The following NSUN2 variants were observed in gnomAD, a reference collection of about 807,000 sequenced individuals.
The protein encoded by NSUN2 is RNA cytosine C(5)-methyltransferase NSUN2.
NSUN2 carries 63 observed loss-of-function variants against 92.7 expected under a neutral mutation model. The observed-to-expected ratio is 0.68, with a 90% confidence interval of 0.56 to 0.84. The LOEUF (loss-of-function observed/expected upper bound fraction) is 0.84. Ranked by LOEUF, NSUN2 falls within the 40% of genes least tolerant of loss-of-function variation. The pLI is 0.00. For synonymous variants in NSUN2, 356 were observed against 348.3 expected, an observed-to-expected ratio of 1.02 and a Z score of -0.25; for missense variants, 989 against 964.9, an observed-to-expected ratio of 1.02 and a Z score of -0.33.
At chr5:6,605,549 C>A in intron 14 of NSUN2, 141 bp from the exon 15 acceptor site, 1 of 772,756 alleles carries the variant, frequency 1.3e-6, no homozygotes, top group Non-Finnish European at 2.1e-6. Context: ...GCTCTGGACT[C>A]CAGCTTCTAA....
chr5:6,601,477 T>C (rs1736554590), intron 18 of NSUN2, among the ~76,000 whole-genome samples: 1 of 151,948 alleles, frequency 6.6e-6, no homozygotes, highest in Non-Finnish European at 1.5e-5. Context: ...CCATCTGTTG[T>C]TCCCTCACCA....
chr5:6,633,035 C>G lies in NSUN2; in HGVS notation c.-56G>C. ...AAACCGGCCCGCCACGGCCAGAACT[C>G]TAGCCCTACACCTCCCGGGACTTCC... On this transcript the variant is annotated 5_prime_UTR_variant, in exon 1 of 19. Coordinates refer to ENST00000264670, the MANE Select transcript of NSUN2 (RefSeq NM_017755.6). 2.2e-6 allele frequency: 3 copies of G among 1,391,018 alleles called. No individual in the cohort carries two copies. The highest frequency in any genetic ancestry group is 2.8e-6 in the Non-Finnish European group (3 of 1,078,650). 86.2% of individuals were successfully genotyped at this position (1,391,018 alleles called of 1,614,324 possible). A position where few individuals can be genotyped will look rare whatever the true frequency, so the allele number is the denominator to read the frequency against.
chr5:6,610,683 CAAAA>C (rs10718851), intron 11 of NSUN2, among the ~76,000 whole-genome samples: 4 of 127,402 alleles, frequency 3.1e-5, no homozygotes, highest in Admixed American at 7.8e-5. Flanking sequence ...GACTCTCTCT[CAAAA>C]AAAAAAAAAA....
intron 3 of NSUN2, among the ~76,000 whole-genome samples, chr5:6,626,498 T>C (rs1323626302): frequency 1.3e-5 from 2 of 152,128 alleles, no homozygotes; most frequent in African/African-American, 4.8e-5. Context: ...GTCAGCCACC[T>C]GAGTAGCTGG....
intron 3 of NSUN2, among the ~76,000 whole-genome samples, chr5:6,626,875 T>C (rs751851906): frequency 6.6e-6 from 1 of 152,196 alleles, no homozygotes; most frequent in African/African-American, 2.4e-5. Flanking sequence ...CGTCAAATTG[T>C]AGCTAGAGTG....
intron 9 of NSUN2, among the ~76,000 whole-genome samples, chr5:6,613,109 C>G (rs763590539): frequency 1.3e-5 from 2 of 152,236 alleles, no homozygotes; most frequent in Admixed American, 1.3e-4. Context: ...ATACTGTACA[C>G]AGGTCCATGC....
chr5:6,606,746 A>G, intron 14 of NSUN2, 74 bp downstream of exon 14: 1 of 818,244 alleles, frequency 1.2e-6, no homozygotes, highest in East Asian at 2.5e-5. Flanking sequence ...CAATGGTTAC[A>G]TGTGATCAGT....
chr5:6,627,748 C>A (rs939338585), intron 3 of NSUN2, among the ~76,000 whole-genome samples: 5 of 152,144 alleles, frequency 3.3e-5, no homozygotes, highest in African/African-American at 1.2e-4. Context: ...CCTGTTTCTA[C>A]AAGAAATGTT....
intron 8 of NSUN2, among the ~76,000 whole-genome samples, chr5:6,617,069 C>T (rs958585157): frequency 1.3e-5 from 2 of 152,132 alleles, no homozygotes; most frequent in African/African-American, 4.8e-5. Context: ...ATTCTTACTG[C>T]TCTGTTAACC....
chr5:6,602,577 G>A, intron 17 of NSUN2, 77 bp from the exon 18 acceptor site: 2 of 1,233,292 alleles, frequency 1.6e-6, no homozygotes, highest in Non-Finnish European at 2.4e-6. Flanking sequence ...TCTGCACCTA[G>A]TGATGTGTTA....
At position 6,631,907 on chromosome 5, in the gene NSUN2, C is replaced by T. The variant is rs1321427602; in HGVS notation, c.325G>A (p.Gly109Ser). The T allele has an allele frequency of 1.9e-6, 3 of 1,614,024 alleles. No individual in the cohort carries two copies. The highest frequency in any genetic ancestry group is 1.3e-5 in the African/African-American group (1 of 75,046). ...FKELEDLEVD[G>S]QKVEVPQPLS... is the part of the protein sequence containing the mutation. ...GGCTGTGGAACTTCAACTTTCTGAC[C>T]GTCCACCTCCAGGTCCTCCAATTCC... The change falls in exon 3 of 19, where the codon GGT (glycine) becomes AGT (serine). Residue 109 changes from glycine (G) to serine (S), a missense_variant. Gly to Ser is a moderately conservative substitution (Grantham distance 56). Coordinates refer to ENST00000264670, the MANE Select transcript of NSUN2 (RefSeq NM_017755.6).
Position 6,618,040 on chromosome 5 carries a change from TTA to T in NSUN2, c.816-18_816-17del. On this transcript the variant is annotated splice_polypyrimidine_tract_variant and intron_variant, in intron 7 of 18. Coordinates refer to ENST00000264670, the MANE Select transcript of NSUN2 (RefSeq NM_017755.6). The stretch of plus-strand genomic sequence containing the variant: ...GCCGTCTCCACTGGAAAAAAGATAT[TTA>T]TGAGTGCAAAGCTCCCTACAGGTGG... 6.3e-7 allele frequency: 1 copy of T among 1,598,398 alleles called. No homozygotes were observed. The highest frequency in any genetic ancestry group is 8.6e-7 in the Non-Finnish European group (1 of 1,166,054).
Position 6,599,773 on chromosome 5 carries a change from TCA to T in NSUN2, c.*151_*152del, listed in dbSNP as rs745838714. ...CTCCAAAGAAAGCAGTCCTGGTCAT[TCA>T]GAAGGCTCCTATGATCCCACCAGTC... On this transcript the variant is annotated 3_prime_UTR_variant, in exon 19 of 19. Coordinates refer to ENST00000264670, the MANE Select transcript of NSUN2 (RefSeq NM_017755.6). 2.5e-5 allele frequency: 17 copies of T among 684,838 alleles called. No homozygotes were observed. Among genetic ancestry groups the T allele is most frequent in the Non-Finnish European group, 3.6e-5 (14 of 391,830 alleles). The allele number at this position is 684,838 out of a possible 1,614,324, so 42.4% of individuals were successfully genotyped here. A position where few individuals can be genotyped will look rare whatever the true frequency, so the allele number is the denominator to read the frequency against.
chr5:6,612,286 C>T (rs1055889267), intron 9 of NSUN2, among the ~76,000 whole-genome samples: 1 of 152,164 alleles, frequency 6.6e-6, no homozygotes, highest in Non-Finnish European at 1.5e-5. Flanking sequence ...CACACCAGGG[C>T]GATGCTGCAG....
At position 6,616,757 on chromosome 5, in the gene NSUN2, C is replaced by T; in HGVS notation, c.991G>A (p.Val331Ile). ...CTTTTTTCCAGTAAAGATGCTATGA[C>T]TGCTTCATCCTCAATAGGGTTTAGT... ...CSLNPIEDEA[V>I]IASLLEKSEG... Residue 331 changes from valine (V) to isoleucine (I), a missense_variant, in exon 9 of 19, where the codon GTC (valine) becomes ATC (isoleucine). By Grantham distance (29) the Val-to-Ile change is conservative (BLOSUM62 3). Around this residue, in one of 3 missense-constraint regions of NSUN2, gnomAD observed 626 missense variants for 602.3 expected, o/e 1.04. Coordinates refer to ENST00000264670, the MANE Select transcript of NSUN2 (RefSeq NM_017755.6). The T allele has an allele frequency of 6.6e-7, 1 of 1,505,932 alleles. No homozygotes were observed. Among genetic ancestry groups the T allele is most frequent in the African/African-American group, 2.1e-5 (1 of 48,680 alleles). The allele number at this position is 1,505,932 out of a possible 1,614,324, so 93.3% of individuals were successfully genotyped here.
chr5:6,631,311 G>T lies in NSUN2; in HGVS notation c.359+562C>A, dbSNP rs778956899. ...ACTGAGACTAGAACCGAGCCATGAG[G>T]AATAGGTAACCCAGAAGGCACCTCC... is the stretch of plus-strand genomic sequence containing the variant. On this transcript the variant is annotated intron_variant, in intron 3 of 18. Transcript: ENST00000264670. 9.4e-4 allele frequency among the ~76,000 whole-genome samples: 143 copies of T among 152,158 alleles called. 1 individual carries two copies. The highest frequency in any genetic ancestry group is 1.1e-3 in the Non-Finnish European group (72 of 68,038).
Position 6,607,364 on chromosome 5 carries a change from C to T in NSUN2, c.1344G>A (p.Glu448=). 6.2e-7 allele frequency: 1 copy of T among 1,613,936 alleles called. No homozygotes were observed. The highest frequency in any genetic ancestry group is 8.5e-7 in the Non-Finnish European group (1 of 1,179,888). The change falls in exon 13 of 19, where the codon GAG becomes GAA. Residue 448 remains glutamate (E), a synonymous_variant. Coordinates refer to ENST00000264670, the MANE Select transcript of NSUN2 (RefSeq NM_017755.6). ...GGCTCAGCTGTGTGCTTTCTCTGGT[C>T]TCTGCAGATTTACCCTGAAGCTGTC... ...RQPKLQGKSA[E]TRESTQLSPA... is the part of the protein sequence containing the mutation.
At chr5:6,629,939 G>A (rs1316017497) in intron 3 of NSUN2, among the ~76,000 whole-genome samples, 2 of 152,184 alleles carry the variant, frequency 1.3e-5, no homozygotes, top group African/African-American at 2.4e-5. Flanking sequence ...GTGGAAATGT[G>A]AGTCAATTAA....
chr5:6,617,325 C>T (rs931937812), intron 8 of NSUN2, among the ~76,000 whole-genome samples: 1 of 152,130 alleles, frequency 6.6e-6, no homozygotes, highest in Non-Finnish European at 1.5e-5. Context: ...TATTCTGTGG[C>T]TCAGGCACAG....
Sources: allele counts gnomAD v4.1 joint callset (sites outside exome capture counted in the v4.1 genomes callset), GRCh38; gene constraint gnomAD v4.1.1; regional missense constraint gnomAD v4.1.1; transcripts MANE v1.5; gene names NCBI Gene and HGNC (gene_info 2026-07-23, HGNC 2026-07-21).